MAP4K3: variants seen among roughly 807,000 people sequenced by gnomAD.
The protein encoded by MAP4K3 is mitogen-activated protein kinase kinase kinase kinase 3, also known as MAPK/ERK kinase kinase kinase 3.
In MAP4K3, 94 loss-of-function variants were observed where a neutral mutation model predicts 143.5. The ratio of observed to expected loss-of-function variants is 0.65; its 90% confidence interval spans 0.55 to 0.78. MAP4K3 has a LOEUF of 0.78. MAP4K3 is among the 30% of genes least tolerant of loss of function. MAP4K3 has a pLI of 0.00. For synonymous variants in MAP4K3, 416 were observed against 347.2 expected (o/e 1.20, Z -2.20); for missense variants, 1,077 against 1,068.1 (o/e 1.01, Z -0.12).
intron 19 of MAP4K3, among the ~76,000 whole-genome samples, chr2:39,288,835 G>T (rs1280942489): frequency 6.6e-6 from 1 of 152,088 alleles, no homozygotes; most frequent in African/African-American, 2.4e-5. Context: ...AGCGGATCAC[G>T]AGGTCAGGAG....
chr2:39,255,639 AT>A (rs1680313203), intron 31 of MAP4K3, among the ~76,000 whole-genome samples: 2 of 152,150 alleles, frequency 1.3e-5, no homozygotes, highest in South Asian at 4.1e-4. Flanking sequence ...ATTTGTCAAC[AT>A]TTATTTTCTT....
chr2:39,385,672 C>T (rs1304444172), intron 1 of MAP4K3, among the ~76,000 whole-genome samples: 3 of 148,894 alleles, frequency 2.0e-5, no homozygotes, highest in African/African-American at 7.5e-5. Context: ...TCTTATCGCC[C>T]AGGCTAGGGT....
rs777624675 is a variant in MAP4K3, at chr2:39,356,343, G to A, written c.155-4C>T. The A allele has an allele frequency of 2.0e-6, 3 of 1,529,698 alleles. No homozygotes were observed. Among genetic ancestry groups the A allele is most frequent in the Non-Finnish European group, 2.7e-6 (3 of 1,116,146 alleles). The allele number at this position is 1,529,698 out of a possible 1,614,324, so 94.8% of individuals were successfully genotyped here. ...TGCACAACTGCAAAGTCTTCTCCTG[G>A]AATAAAAAACAAGCATGTTGAATAT... On this transcript the variant is annotated splice_region_variant and splice_polypyrimidine_tract_variant and intron_variant, in intron 2 of 33. Coordinates refer to ENST00000263881, the MANE Select transcript of MAP4K3 (RefSeq NM_003618.4).
At chr2:39,254,545 A>G in intron 31 of MAP4K3, 25 bp from the exon 32 acceptor site, 1 of 1,595,196 alleles carries the variant, frequency 6.3e-7, no homozygotes, top group Non-Finnish European at 8.6e-7. Flanking sequence ...CAGCTCAATT[A>G]CTGTTAATAG....
chr2:39,265,152 G>A (rs920923773), intron 28 of MAP4K3, 51 bp downstream of exon 28: 7 of 1,187,764 alleles, frequency 5.9e-6, no homozygotes, highest in Non-Finnish European at 8.6e-6. Context: ...AGAACAGTAA[G>A]GTTGACAAGC....
intron 1 of MAP4K3, among the ~76,000 whole-genome samples, chr2:39,390,934 G>C (rs982109118): frequency 2.0e-5 from 3 of 152,152 alleles, no homozygotes; most frequent in African/African-American, 7.2e-5. Context: ...TACATCTCTT[G>C]AGTAATGACC....
intron 15 of MAP4K3, among the ~76,000 whole-genome samples, chr2:39,302,710 AAGTT>A (rs769617054): frequency 1.8e-4 from 28 of 152,370 alleles, no homozygotes; most frequent in Non-Finnish European, 2.9e-4. Flanking sequence ...AGCATAAAAA[AAGTT>A]AGTAGCACTA....
chr2:39,338,812 T>G (rs1021068518), intron 4 of MAP4K3, among the ~76,000 whole-genome samples: 7 of 152,184 alleles, frequency 4.6e-5, no homozygotes, highest in Admixed American at 2.6e-4. Context: ...CTTCCATCTC[T>G]TCTGCCATGT....
At chr2:39,286,375 C>A (rs972141928) in intron 21 of MAP4K3, among the ~76,000 whole-genome samples, 1 of 152,206 alleles carries the variant, frequency 6.6e-6, no homozygotes, top group East Asian at 1.9e-4. Flanking sequence ...GGCCACTGAC[C>A]ATTACTGGTC....
chr2:39,422,828 G>A (rs1664906208), intron 1 of MAP4K3, among the ~76,000 whole-genome samples: 1 of 152,204 alleles, frequency 6.6e-6, no homozygotes, highest in Non-Finnish European at 1.5e-5. Context: ...AAAACTTCTA[G>A]AAGATAACAT....
In MAP4K3 at chr2:39,303,891, T is replaced by C. The variant is rs575410962; in HGVS notation, c.1119+4052A>G. On this transcript the variant is annotated intron_variant, in intron 15 of 33. Transcript: ENST00000263881. The stretch of plus-strand genomic sequence containing the variant: ...CAATTTTTTGTTTTTAATTGGTACA[T>C]GGGCTTAAATAGCCAGTAAAACTAT... Among the ~76,000 whole-genome samples the C allele has an allele frequency of 4.3e-4, 65 of 152,276 alleles. No homozygotes were observed. The South Asian group carries it at 5.4e-3, about 13-fold the overall frequency.
chr2:39,376,817 T>C (rs1418077194), intron 2 of MAP4K3, among the ~76,000 whole-genome samples: 5 of 152,200 alleles, frequency 3.3e-5, no homozygotes, highest in African/African-American at 1.2e-4. Flanking sequence ...TGCTTAATGA[T>C]TAAAAATGAA....
At chr2:39,316,445 A>G (rs1333022152) in intron 12 of MAP4K3, among the ~76,000 whole-genome samples, 1 of 152,174 alleles carries the variant, frequency 6.6e-6, no homozygotes, top group Non-Finnish European at 1.5e-5. Context: ...TTCACCCTTT[A>G]GAACAGAGGT....
intron 1 of MAP4K3, among the ~76,000 whole-genome samples, chr2:39,404,578 G>A (rs1667040134): frequency 1.3e-5 from 2 of 151,294 alleles, no homozygotes; most frequent in Admixed American, 6.6e-5. Context: ...AAAACACCAG[G>A]AAGATTTCTG....
intron 22 of MAP4K3, among the ~76,000 whole-genome samples, chr2:39,282,287 C>A (rs771710514): frequency 6.6e-6 from 1 of 151,948 alleles, no homozygotes; most frequent in African/African-American, 2.4e-5. Context: ...CACTTGAGGC[C>A]AGGAATTCGA....
At chr2:39,334,805 T>A (rs1683808606) in intron 6 of MAP4K3, among the ~76,000 whole-genome samples, 1 of 152,188 alleles carries the variant, frequency 6.6e-6, no homozygotes, top group Admixed American at 6.5e-5. Flanking sequence ...GGAGTTTACA[T>A]CCAAGTAGGA....
intron 29 of MAP4K3, among the ~76,000 whole-genome samples, chr2:39,259,775 GA>G: frequency 6.6e-6 from 1 of 152,122 alleles, no homozygotes; most frequent in Admixed American, 6.5e-5. Flanking sequence ...CCTTTTGTTT[GA>G]AGAAAAAAAG....
intron 1 of MAP4K3, among the ~76,000 whole-genome samples, chr2:39,391,754 C>T (rs549857107): frequency 5.9e-5 from 9 of 152,212 alleles, no homozygotes; most frequent in Admixed American, 3.3e-4. Context: ...GCATTGATTT[C>T]TAACATTTTC....
At chr2:39,346,639 A>G (rs1043976115) in intron 3 of MAP4K3, among the ~76,000 whole-genome samples, 1 of 152,174 alleles carries the variant, frequency 6.6e-6, no homozygotes, top group African/African-American at 2.4e-5. Flanking sequence ...ACAATCCAGA[A>G]GCAGTTGGTT....
Sources: gnomAD v4.1 joint callset for allele counts (sites outside exome capture counted in the v4.1 genomes callset) on GRCh38, gnomAD v4.1.1 for gene constraint, MANE v1.5 for transcripts, NCBI Gene and HGNC (gene_info 2026-07-23, HGNC 2026-07-21) for gene names.